Variants in DCAF8L2 observed in about 807,000 individuals in gnomAD.
DCAF8L2 encodes DDB1- and CUL4-associated factor 8-like protein 2.
For missense variants in DCAF8L2, 430 were observed against 490.7 expected (o/e 0.88, Z 1.17); for synonymous variants, 200 against 190.9 (o/e 1.05, Z -0.39).
chrX:27,505,284 T>C, the DCAF8L2 span, among the ~76,000 whole-genome samples: 1 of 111,288 alleles, frequency 9.0e-6, no homozygotes, highest in African/African-American at 3.3e-5. Context: ...AAGCTTTTGC[T>C]GTCATCCAAT....
chrX:27,656,806 C>A (rs750167788), intron 2 of DCAF8L2, among the ~76,000 whole-genome samples: 2 of 111,624 alleles, frequency 1.8e-5, no homozygotes, highest in South Asian at 3.8e-4. Context: ...TGGGTCAAAG[C>A]CAAGGGGAAG....
intron 4 of DCAF8L2, among the ~76,000 whole-genome samples, chrX:27,730,395 T>C (rs753702303): frequency 4.5e-5 from 5 of 111,995 alleles, no homozygotes; most frequent in Non-Finnish European, 1.9e-5. Context: ...CTAGAACTTA[T>C]TCATCTTATA....
chrX:27,747,822 C>G lies in DCAF8L2; in HGVS notation c.927C>G (p.Asn309Lys). 1.7e-6 allele frequency: 2 copies of G among 1,209,124 alleles called. No homozygotes were observed. Among genetic ancestry groups the G allele is most frequent in the Non-Finnish European group, 2.2e-6 (2 of 893,958 alleles). The change falls in exon 5 of 5, where the codon AAC becomes AAG. Residue 309 changes from asparagine to lysine, a missense_variant. Transcript: ENST00000451261. ...AGTTAATTAATGCATCATATTTCAA[C>G]AATACTAAGTGTGTGGCCCAGCACA... is the stretch of plus-strand genomic sequence containing the variant. Reference protein sequence around the residue: ...VAELINASYFNNTKCVAQHRG... With the variant: ...VAELINASYFKNTKCVAQHRG...
At chrX:27,616,270 G>A (rs1201233494) in intron 1 of DCAF8L2, among the ~76,000 whole-genome samples, 1 of 110,528 alleles carries the variant, frequency 9.0e-6, no homozygotes, top group Non-Finnish European at 1.9e-5. Context: ...GTGATACAGT[G>A]CTCTTTTTGG....
chrX:27,627,220 T>G (rs1286878704), intron 1 of DCAF8L2: 1 of 111,578 alleles, frequency 9.0e-6, no homozygotes, highest in African/African-American at 3.3e-5. Flanking sequence ...CTATAAAATC[T>G]AGAAAGAGGA....
chrX:27,641,455 T>G, intron 2 of DCAF8L2, among the ~76,000 whole-genome samples: 1 of 78,938 alleles, frequency 1.3e-5, no homozygotes, highest in Admixed American at 1.4e-4. Flanking sequence ...TTTCTTTTCT[T>G]TCCTTTTCTT....
chrX:27,579,615 T>TACACACAC, the DCAF8L2 span, among the ~76,000 whole-genome samples: 3,819 of 87,829 alleles, frequency 0.043, 105 homozygotes, highest in African/African-American at 0.078. Context: ...TTCAGAGAAA[T>TACACACAC]ACACACACAC....
At chrX:27,735,682 T>C (rs1921482735) in intron 4 of DCAF8L2, among the ~76,000 whole-genome samples, 1 of 111,735 alleles carries the variant, frequency 8.9e-6, no homozygotes, top group Admixed American at 9.5e-5. Context: ...ATATTAAGAA[T>C]GGGGTCTGCA....
rs760525060 is a variant in DCAF8L2 at position 27,622,288 on chromosome X, A to G, written c.-341-9591A>G. On this transcript the variant is annotated intron_variant, in intron 1 of 4. Coordinates refer to ENST00000451261, the MANE Select transcript of DCAF8L2 (RefSeq NM_001353450.2). ...AAATACAAAAAAATTAGCCGGGCGTAGTGGCGGACACCTGTATTCCTAGCT... is the reference window on the plus strand; with the variant it reads ...AAATACAAAAAAATTAGCCGGGCGTGGTGGCGGACACCTGTATTCCTAGCT... Among the ~76,000 whole-genome samples the G allele has an allele frequency of 3.0e-4, 25 of 83,257 alleles. No homozygotes were observed. In the South Asian group the frequency reaches 5.2e-3, roughly 17 times the overall value. The allele number at this position is 83,257 out of a possible 115,157, so 72.3% of individuals were successfully genotyped here.
intron 2 of DCAF8L2, among the ~76,000 whole-genome samples, chrX:27,675,631 G>T (rs1378748661): frequency 1.8e-5 from 2 of 111,830 alleles, no homozygotes; most frequent in Non-Finnish European, 3.8e-5. Context: ...TGGTATAGAA[G>T]GTAGTTAAAT....
intron 1 of DCAF8L2, among the ~76,000 whole-genome samples, chrX:27,630,248 A>T (rs1462344093): frequency 8.9e-6 from 1 of 111,827 alleles, no homozygotes; most frequent in Admixed American, 9.6e-5. Context: ...GAAAAGAGAA[A>T]TAATTTTACT....
chrX:27,725,533 T>C (rs2147305742), intron 4 of DCAF8L2, among the ~76,000 whole-genome samples: 1 of 110,407 alleles, frequency 9.1e-6, no homozygotes, highest in East Asian at 2.8e-4. Context: ...AACAACATAA[T>C]ATATTTATAT....
At chrX:27,621,995 A>G (rs1369145173) in intron 1 of DCAF8L2, among the ~76,000 whole-genome samples, 2 of 109,525 alleles carry the variant, frequency 1.8e-5, no homozygotes, top group Non-Finnish European at 3.8e-5. Context: ...TTATCTCAAC[A>G]ACAACAACAA....
At chrX:27,573,254 T>TCTCTCTCACACA in the DCAF8L2 span, among the ~76,000 whole-genome samples, 16 of 99,732 alleles carry the variant, frequency 1.6e-4, no homozygotes, top group East Asian at 3.0e-3. Flanking sequence ...TCTCTCTCTC[T>TCTCTCTCACACA]CACACACACA....
intron 1 of DCAF8L2, among the ~76,000 whole-genome samples, chrX:27,619,663 A>G (rs981558433): frequency 7.2e-5 from 8 of 111,752 alleles, no homozygotes; most frequent in African/African-American, 2.6e-4. Flanking sequence ...ACTACATGTT[A>G]TCTACAAAAT....
At chrX:27,504,377 C>A in the DCAF8L2 span, among the ~76,000 whole-genome samples, 1 of 111,603 alleles carries the variant, frequency 9.0e-6, no homozygotes, top group African/African-American at 3.3e-5. Context: ...AAATGATATA[C>A]TCACTGACTC....
chrX:27,602,075 A>G (rs1375350883), intron 1 of DCAF8L2, among the ~76,000 whole-genome samples: 1 of 111,928 alleles, frequency 8.9e-6, no homozygotes, highest in Non-Finnish European at 1.9e-5. Flanking sequence ...TTTCTTTCTG[A>G]GACAGAGTTT....
At chrX:27,685,832 A>G (rs1930485404) in intron 3 of DCAF8L2, among the ~76,000 whole-genome samples, 2 of 112,063 alleles carry the variant, frequency 1.8e-5, no homozygotes, top group Non-Finnish European at 3.8e-5. Context: ...CAAACTATCC[A>G]TCTGACAATG....
At chrX:27,699,402 C>CA (rs1458935183) in intron 3 of DCAF8L2, among the ~76,000 whole-genome samples, 1 of 111,699 alleles carries the variant, frequency 9.0e-6, no homozygotes, top group Non-Finnish European at 1.9e-5. Context: ...AGAGATGACT[C>CA]AGGAGAGAGG....
Sources: allele counts gnomAD v4.1 joint callset (sites outside exome capture counted in the v4.1 genomes callset), GRCh38; gene constraint gnomAD v4.1.1; transcripts MANE v1.5; gene names NCBI Gene and HGNC (gene_info 2026-07-23, HGNC 2026-07-21).